The following PCID2 variants were observed in gnomAD, a reference collection of about 807,000 sequenced individuals.
The protein encoded by PCID2 is PCI domain-containing protein 2.
In PCID2, 41 loss-of-function variants were observed where a neutral mutation model predicts 61.3. That is an observed-to-expected ratio of 0.67 (90% confidence interval 0.52 to 0.87). PCID2 has a LOEUF of 0.87. PCID2 is among the 40% of genes least tolerant of loss of function. The probability of loss-of-function intolerance (pLI) is 0.00; values close to 1 mark genes in which losing one functional copy is unlikely to be tolerated. For synonymous variants in PCID2, 187 were observed against 177.8 expected (o/e 1.05, Z -0.41); for missense variants, 392 against 493.4 (o/e 0.79, Z 1.95).
downstream of PCID2, chr13:113,177,400 G>A (rs916802297): frequency 6.6e-6 from 1 of 151,870 alleles, no homozygotes; most frequent in East Asian, 1.9e-4. Context: ...GCCTCTGAAA[G>A]TGCTGGGATT....
intron 4 of PCID2, among the ~76,000 whole-genome samples, chr13:113,196,714 A>C (rs1343952994): frequency 6.6e-6 from 1 of 152,186 alleles, no homozygotes; most frequent in Non-Finnish European, 1.5e-5. Context: ...ACACTCACTG[A>C]CTCAGGCCGT....
At chr13:113,168,232 G>A in the PCID2 span, among the ~76,000 whole-genome samples, 1 of 152,240 alleles carries the variant, frequency 6.6e-6, no homozygotes, top group Non-Finnish European at 1.5e-5. Flanking sequence ...AATATTTAAT[G>A]GGATGTCATA....
chr13:113,177,103 C>T (rs766210228), downstream of PCID2, among the ~76,000 whole-genome samples: 9 of 152,152 alleles, frequency 5.9e-5, no homozygotes, highest in Non-Finnish European at 1.2e-4. Flanking sequence ...GTGTAGCACT[C>T]GGTAAGCTAC....
At chr13:113,167,848 G>A in the PCID2 span, among the ~76,000 whole-genome samples, 1 of 151,972 alleles carries the variant, frequency 6.6e-6, no homozygotes, top group African/African-American at 2.4e-5. Flanking sequence ...TTTCTTATCT[G>A]TTCTTTTCCC....
At position 113,179,282 on chromosome 13, in the gene PCID2, A is replaced by G. The variant is rs1480180569; in HGVS notation, c.987-193T>C. Among the ~76,000 whole-genome samples, 5 of 152,200 alleles carry G rather than the reference A, an allele frequency of 3.3e-5. No homozygotes were observed. Among genetic ancestry groups the G allele is most frequent in the Admixed American group, 3.3e-4 (5 of 15,278 alleles). ...TTTCAATCTTTAAAAAGTCACTAGT[A>G]CAAACACAATTTTTAATTATTTTCT... On this transcript the variant is annotated intron_variant, in intron 12 of 13. Transcript: ENST00000337344. This position sits in a 1 kb window ranked among gnomAD's most constrained non-coding sequence, Gnocchi z 4.3.
chr13:113,198,755 A>G (rs984815313), intron 2 of PCID2, among the ~76,000 whole-genome samples: 9 of 152,210 alleles, frequency 5.9e-5, no homozygotes, highest in African/African-American at 2.2e-4. Flanking sequence ...ATATTTATCA[A>G]TATTTCAGGG....
intron 1 of PCID2, among the ~76,000 whole-genome samples, chr13:113,205,362 T>C (rs2039732722): frequency 2.0e-5 from 3 of 152,006 alleles, no homozygotes; most frequent in African/African-American, 7.2e-5. Flanking sequence ...ATAAAAAGAA[T>C]GGAAAAAAAC....
In PCID2 at chr13:113,179,145, A is replaced by G. The variant is rs1289925334; in HGVS notation, c.987-56T>C. 1.1e-5 allele frequency: 17 copies of G among 1,513,896 alleles called. No homozygotes were observed. The highest frequency in any genetic ancestry group is 2.3e-5 in the East Asian group (1 of 44,006). The allele number at this position is 1,513,896 out of a possible 1,614,324, so 93.8% of individuals were successfully genotyped here. A position where few individuals can be genotyped will look rare whatever the true frequency, so the allele number is the denominator to read the frequency against. On this transcript the variant is annotated intron_variant, in intron 12 of 13. Coordinates refer to ENST00000337344, the MANE Select transcript of PCID2 (RefSeq NM_001127202.4). This position sits in a 1 kb window ranked among gnomAD's most constrained non-coding sequence, Gnocchi z 4.3. Reference sequence around the variant, plus strand: ...TTACCGACAGGATGCAATACTCCACAGCCAAGAAAAGGCACCTCTTAATAA... The same window carrying G: ...TTACCGACAGGATGCAATACTCCACGGCCAAGAAAAGGCACCTCTTAATAA...
At chr13:113,203,138 C>T (rs1383914122) in intron 1 of PCID2, among the ~76,000 whole-genome samples, 1 of 152,230 alleles carries the variant, frequency 6.6e-6, no homozygotes, top group Non-Finnish European at 1.5e-5. Context: ...AGCACTGGCA[C>T]AGAGCAGGAG....
intron 7 of PCID2, among the ~76,000 whole-genome samples, chr13:113,190,499 T>A (rs2038520361): frequency 6.6e-6 from 1 of 151,986 alleles, no homozygotes; most frequent in African/African-American, 2.4e-5. Context: ...AGAGAACATT[T>A]CTTAAAAAAA....
intron 6 of PCID2, among the ~76,000 whole-genome samples, chr13:113,193,712 TA>T (rs1177422750): frequency 4.6e-5 from 7 of 152,218 alleles, no homozygotes; most frequent in African/African-American, 1.7e-4. Flanking sequence ...AGGTCTTCAG[TA>T]TACTTTTCAG....
chr13:113,175,046 G>A (rs1367365016), downstream of PCID2, among the ~76,000 whole-genome samples: 2 of 152,182 alleles, frequency 1.3e-5, no homozygotes, highest in African/African-American at 4.8e-5. Context: ...CGTCTAACGA[G>A]AGCTGATGGT....
intron 5 of PCID2, 112 bp from the exon 6 acceptor site, chr13:113,195,237 C>A: frequency 1.4e-6 from 1 of 732,996 alleles, no homozygotes; most frequent in Non-Finnish European, 2.5e-6. Context: ...GGAGTCCGCA[C>A]TTATCCAAAA....
rs2037270284 is a variant in PCID2, at chr13:113,178,097, C to T, written c.*101G>A. On this transcript the variant is annotated 3_prime_UTR_variant, in exon 14 of 14. Transcript: ENST00000337344. ...CCTGGGAAAAGCGCCTCCAAGAGTT[C>T]CGGCTTCAGGGAGCCTTGTTGCAGT... 1.3e-6 allele frequency: 1 copy of T among 756,684 alleles called. No homozygotes were observed. The highest frequency in any genetic ancestry group is 2.7e-5 in the East Asian group (1 of 36,410). 46.9% of individuals were successfully genotyped at this position (756,684 alleles called of 1,614,324 possible).
the PCID2 span, chr13:113,171,546 C>A: frequency 6.2e-7 from 1 of 1,612,456 alleles, no homozygotes; most frequent in Non-Finnish European, 8.5e-7. The surrounding 1 kb of genome is among the most constrained non-coding windows in gnomAD (Gnocchi z 5.1). Context: ...GCATTATGTC[C>A]CCTTGAAAAT....
chr13:113,175,531 C>A (rs1209903929), downstream of PCID2, among the ~76,000 whole-genome samples: 2 of 152,098 alleles, frequency 1.3e-5, no homozygotes, highest in Admixed American at 6.6e-5. Flanking sequence ...ATTTCCGTAC[C>A]CAACACTGCA....
chr13:113,176,024 CA>C (rs1301037601), downstream of PCID2, among the ~76,000 whole-genome samples: 1 of 152,260 alleles, frequency 6.6e-6, no homozygotes, highest in Non-Finnish European at 1.5e-5. Context: ...CTTCCCCGCC[CA>C]GCCCGGAAGA....
intron 2 of PCID2, among the ~76,000 whole-genome samples, chr13:113,199,424 T>C (rs1208902314): frequency 2.0e-5 from 3 of 152,292 alleles, no homozygotes; most frequent in South Asian, 2.1e-4. Context: ...GCACACTGCG[T>C]TTTTTTGTTT....
At chr13:113,196,705 C>T (rs181616139) in intron 4 of PCID2, among the ~76,000 whole-genome samples, 240 of 152,336 alleles carry the variant, frequency 1.6e-3, no homozygotes, top group Non-Finnish European at 2.0e-3. Context: ...ATCCTTAGCA[C>T]ACTCACTGAC....
Sources: allele counts gnomAD v4.1 joint callset (sites outside exome capture counted in the v4.1 genomes callset), GRCh38; gene constraint gnomAD v4.1.1; non-coding constraint Gnocchi (gnomAD v3.1); transcripts MANE v1.5; gene names NCBI Gene and HGNC (gene_info 2026-07-23, HGNC 2026-07-21).